GRM7: variants seen among roughly 807,000 people sequenced by gnomAD.
GRM7 encodes the protein metabotropic glutamate receptor 7.
Under a neutral mutation model 84.5 loss-of-function variants are expected in GRM7, and 35 were observed. That is an observed-to-expected ratio of 0.41 (90% CI 0.32 to 0.55). The LOEUF is 0.55. GRM7 is among the 20% of genes least tolerant of loss of function. The pLI is 0.19. For missense variants in GRM7, 1,003 were observed against 1,194.6 expected (o/e 0.84, Z 2.36); for synonymous variants, 487 against 455.1 (o/e 1.07, Z -0.89).
intron 1 of GRM7, among the ~76,000 whole-genome samples, chr3:6,886,868 A>G (rs548724507): frequency 2.0e-5 from 3 of 151,992 alleles, no homozygotes; most frequent in African/African-American, 7.2e-5. Flanking sequence ...TCTATACTAC[A>G]CTATTTTATA....
intron 7 of GRM7, among the ~76,000 whole-genome samples, chr3:7,550,292 T>G (rs1693386695): frequency 8.0e-6 from 1 of 124,544 alleles, no homozygotes; most frequent in African/African-American, 3.0e-5. Flanking sequence ...CCTCCTCTTC[T>G]TCCTCTCCCT....
chr3:7,360,841 T>A (rs996309988), intron 4 of GRM7, among the ~76,000 whole-genome samples: 1 of 152,076 alleles, frequency 6.6e-6, no homozygotes, highest in African/African-American at 2.4e-5. Flanking sequence ...AAGTTTGATC[T>A]TCTTTTCTTC....
intron 1 of GRM7, among the ~76,000 whole-genome samples, chr3:6,917,916 T>A (rs143851518): frequency 7.2e-4 from 109 of 152,266 alleles, no homozygotes; most frequent in African/African-American, 2.6e-3. Context: ...ATTAAAGGGA[T>A]CAATTTGGAA....
chr3:7,015,224 T>C (rs1435271963), intron 1 of GRM7, among the ~76,000 whole-genome samples: 1 of 151,890 alleles, frequency 6.6e-6, no homozygotes, highest in Non-Finnish European at 1.5e-5. Flanking sequence ...TTGCTGCTGC[T>C]CACTCTTTGG....
At chr3:6,944,990 T>C (rs1698011651) in intron 1 of GRM7, among the ~76,000 whole-genome samples, 1 of 152,184 alleles carries the variant, frequency 6.6e-6, no homozygotes, top group African/African-American at 2.4e-5. Flanking sequence ...GTTGCCTCTC[T>C]CATTTCTGAT....
At chr3:7,603,800 A>G (rs542179156) in intron 8 of GRM7, among the ~76,000 whole-genome samples, 5 of 152,204 alleles carry the variant, frequency 3.3e-5, no homozygotes, top group Admixed American at 1.3e-4. Context: ...ATGTTAATAC[A>G]TGTTTAAGAT....
intron 4 of GRM7, among the ~76,000 whole-genome samples, chr3:7,403,628 T>C (rs1399959665): frequency 7.3e-6 from 1 of 137,464 alleles, no homozygotes; most frequent in Non-Finnish European, 1.6e-5. Context: ...TTCTGATATA[T>C]ATATATATAT....
chr3:7,513,595 A>G (rs1393155959), intron 7 of GRM7, among the ~76,000 whole-genome samples: 1 of 152,110 alleles, frequency 6.6e-6, no homozygotes, highest in Admixed American at 6.5e-5. Context: ...TTCAAAATAA[A>G]AGAGTGGACT....
rs780716855 is a variant in GRM7 at position 7,415,024 on chromosome 3, G to A, written c.1035G>A (p.Gly345=). ...TIQPKRATVE[G]FDAYFTSRTL... The stretch of plus-strand genomic sequence containing the variant: ...ACCTTTTCATTTAACTCTGTTTAGG[G>A]TTTGATGCCTACTTTACGTCCCGTA... The change falls in exon 5 of 10, where the codon GGG becomes GGA. Residue 345 remains glycine (G), a splice_region_variant and synonymous_variant. Transcript: ENST00000357716. 6.2e-7 allele frequency: 1 copy of A among 1,611,738 alleles called. No homozygotes were observed. The highest frequency in any genetic ancestry group is 8.5e-7 in the Non-Finnish European group (1 of 1,178,346).
At chr3:7,295,156 A>G (rs1699771593) in intron 2 of GRM7, among the ~76,000 whole-genome samples, 1 of 152,174 alleles carries the variant, frequency 6.6e-6, no homozygotes, top group Admixed American at 6.5e-5. Context: ...ACTTGGGTGT[A>G]TTATCCATTT....
chr3:6,983,820 A>T (rs1314029733), intron 1 of GRM7, among the ~76,000 whole-genome samples: 13 of 150,376 alleles, frequency 8.6e-5, no homozygotes, highest in Non-Finnish European at 1.9e-4. Flanking sequence ...TTTTGTTTTC[A>T]GTGTTCTGAG....
chr3:7,220,777 C>A (rs1269888562), intron 2 of GRM7, among the ~76,000 whole-genome samples: 1 of 152,106 alleles, frequency 6.6e-6, no homozygotes, highest in Non-Finnish European at 1.5e-5. Flanking sequence ...TAATCTGAAA[C>A]CTTCTAAAAT....
intron 2 of GRM7, among the ~76,000 whole-genome samples, chr3:7,289,450 T>G (rs1240982429): frequency 1.3e-5 from 2 of 152,180 alleles, no homozygotes; most frequent in East Asian, 3.9e-4. Flanking sequence ...AACAGTGTGG[T>G]GATTCCTCAG....
At chr3:7,647,445 C>T (rs1389128375) in intron 8 of GRM7, among the ~76,000 whole-genome samples, 3 of 152,146 alleles carry the variant, frequency 2.0e-5, no homozygotes, top group Non-Finnish European at 4.4e-5. Context: ...GGCTGGTATA[C>T]TAGGACAGAG....
intron 2 of GRM7, 36 bp downstream of exon 2, chr3:7,146,704 T>A (rs766750562): frequency 6.9e-7 from 1 of 1,445,384 alleles, no homozygotes; most frequent in South Asian, 1.1e-5. Context: ...CTGGCTCTCT[T>A]CAAACGTCTG....
chr3:7,395,670 C>G (rs1361997446), intron 4 of GRM7, among the ~76,000 whole-genome samples: 1 of 152,174 alleles, frequency 6.6e-6, no homozygotes, highest in Non-Finnish European at 1.5e-5. Context: ...CTCACAAGCT[C>G]TCTTGCCTGC....
intron 9 of GRM7, 192 bp downstream of exon 9, chr3:7,680,487 T>C (rs1700322443): frequency 1.2e-5 from 7 of 598,978 alleles, no homozygotes; most frequent in Non-Finnish European, 2.0e-5. Flanking sequence ...TTGTTCCTTG[T>C]TGGAAAGAAG....
chr3:7,214,434 C>A (rs932906722), intron 2 of GRM7, among the ~76,000 whole-genome samples: 1 of 152,208 alleles, frequency 6.6e-6, no homozygotes, highest in Non-Finnish European at 1.5e-5. Flanking sequence ...CCTTAGAGTT[C>A]ATCCTATTGG....
chr3:7,167,973 C>CAAAAAAAAAAAAA (rs60681836), intron 2 of GRM7, among the ~76,000 whole-genome samples: 1 of 54,632 alleles, frequency 1.8e-5, no homozygotes, highest in African/African-American at 6.7e-5. Flanking sequence ...GACTCTGTCT[C>CAAAAAAAAAAAAA]AAAAAAAAAA....
Sources: gnomAD v4.1 joint callset for allele counts (sites outside exome capture counted in the v4.1 genomes callset) on GRCh38, gnomAD v4.1.1 for gene constraint, MANE v1.5 for transcripts, NCBI Gene and HGNC (gene_info 2026-07-23, HGNC 2026-07-21) for gene names.